CEP76: variants seen among roughly 807,000 people sequenced by gnomAD.
CEP76 encodes the protein centrosomal protein of 76 kDa.
A neutral mutation model predicts 83.3 loss-of-function variants in CEP76; 55 were observed. The ratio of observed to expected loss-of-function variants is 0.66; its 90% CI spans 0.53 to 0.83. The LOEUF (loss-of-function observed/expected upper bound fraction) is 0.83, where lower values mean the gene tolerates loss of function less well. Among genes scored for constraint, CEP76 ranks in the 40% least tolerant of loss-of-function variants. CEP76 has a pLI of 0.00. For missense variants in CEP76, 694 were observed against 799.5 expected (o/e 0.87, Z 1.59); for synonymous variants, 270 against 274.5 (o/e 0.98, Z 0.16).
intron 11 of CEP76, among the ~76,000 whole-genome samples, chr18:12,674,198 AG>A (rs1190978271): frequency 6.6e-6 from 1 of 152,046 alleles, no homozygotes; most frequent in Non-Finnish European, 1.5e-5. Context: ...GCAATTTGGG[AG>A]GCTGAGGTGG....
chr18:12,689,949 T>G (rs1315109089), intron 7 of CEP76, among the ~76,000 whole-genome samples: 1 of 152,132 alleles, frequency 6.6e-6, no homozygotes, highest in Non-Finnish European at 1.5e-5. Context: ...CCACCAAGCC[T>G]GGCTAATTTT....
At position 12,672,649 on chromosome 18, in the gene CEP76, AT is replaced by A; in HGVS notation, c.*715del. 2.0e-6 allele frequency: 2 copies of A among 982,760 alleles called. No homozygotes were observed. Among genetic ancestry groups the A allele is most frequent in the Non-Finnish European group, 2.4e-6 (2 of 827,438 alleles). The allele number at this position is 982,760 out of a possible 1,614,324, so 60.9% of individuals were successfully genotyped here. On this transcript the variant is annotated 3_prime_UTR_variant, in exon 12 of 12. Transcript: ENST00000262127. ...ATCAGTGATCGACTGCAAGATCACA[AT>A]TTATCAGTATCATAACAAAGAGGTA...
chr18:12,699,214 T>C lies in CEP76; in HGVS notation c.296-11A>G, dbSNP rs367969491. On this transcript the variant is annotated splice_polypyrimidine_tract_variant and intron_variant, in intron 3 of 11. Coordinates refer to ENST00000262127, the MANE Select transcript of CEP76 (RefSeq NM_024899.4). ...TTGGATCAATATTAGCTGTAAAGTG[T>C]AGCAATATATATGAGGAAACTGCCA... is the stretch of plus-strand genomic sequence containing the variant. 4.6e-4 allele frequency: 713 copies of C among 1,551,648 alleles called. 1 individual carries two copies. Among genetic ancestry groups the C allele is most frequent in the Non-Finnish European group, 5.8e-4 (655 of 1,127,940 alleles).
intron 7 of CEP76, among the ~76,000 whole-genome samples, chr18:12,688,973 G>A (rs556134141): frequency 6.6e-6 from 1 of 152,228 alleles, no homozygotes; most frequent in Middle Eastern, 3.4e-3. Flanking sequence ...AATTAGCCAG[G>A]CATGGTGGCA....
chr18:12,692,315 C>CAA (rs773752553), intron 6 of CEP76: 31 of 125,208 alleles, frequency 2.5e-4, no homozygotes, highest in East Asian at 4.5e-4. Flanking sequence ...GACTCTATCT[C>CAA]AAAAAAAAAA....
At chr18:12,669,914 T>C (rs1302042676), downstream of CEP76, among the ~76,000 whole-genome samples, 2 of 94,610 alleles carry the variant, frequency 2.1e-5, no homozygotes, top group Non-Finnish European at 4.5e-5. Flanking sequence ...GGAGAATCAC[T>C]TGAACCCAGG....
At chr18:12,702,370 C>G in intron 1 of CEP76, 116 bp downstream of exon 1, 1 of 781,966 alleles carries the variant, frequency 1.3e-6, no homozygotes, top group Non-Finnish European at 2.2e-6. Context: ...TTGCGCACCC[C>G]ACAATCCTCG....
chr18:12,682,539 A>G lies in CEP76; in HGVS notation c.1123-1711T>C, dbSNP rs571408437. 2.6e-5 allele frequency among the ~76,000 whole-genome samples: 4 copies of G among 152,176 alleles called. No individual in the cohort carries two copies. In the South Asian group the frequency reaches 8.3e-4, roughly 32 times the overall value. On this transcript the variant is annotated intron_variant, in intron 8 of 11. Coordinates refer to ENST00000262127, the MANE Select transcript of CEP76 (RefSeq NM_024899.4). Reference sequence around the variant, plus strand: ...GGATTTGGTGGTGCTAAAGTTTTTTAAAAAAAATTAACTGTAAGAAAACAA... The same window carrying G: ...GGATTTGGTGGTGCTAAAGTTTTTTGAAAAAAATTAACTGTAAGAAAACAA...
intron 12 of CEP76, among the ~76,000 whole-genome samples, chr18:12,664,852 C>T (rs750768198): frequency 6.1e-4 from 93 of 151,634 alleles, no homozygotes; most frequent in African/African-American, 1.2e-3. Flanking sequence ...GCGCCCGTCA[C>T]CATGCCCAGC....
At chr18:12,689,212 T>C (rs1425842532) in intron 7 of CEP76, among the ~76,000 whole-genome samples, 5 of 152,258 alleles carry the variant, frequency 3.3e-5, no homozygotes, top group Admixed American at 3.3e-4. Context: ...TTTATAACTA[T>C]TGTTTTTATA....
chr18:12,680,144 A>G (rs1336791019), intron 9 of CEP76, among the ~76,000 whole-genome samples: 2 of 152,122 alleles, frequency 1.3e-5, no homozygotes, highest in Non-Finnish European at 2.9e-5. Context: ...CATGTTGGTA[A>G]AGAATATTTG....
chr18:12,665,080 T>C (rs1405394781), intron 12 of CEP76: 1 of 152,130 alleles, frequency 6.6e-6, no homozygotes, highest in Non-Finnish European at 1.5e-5. Context: ...GGTCTAGAGC[T>C]GCTCTTGGCT....
rs758024041 is a variant in CEP76 at position 12,674,651 on chromosome 18, T to G, written c.1726A>C (p.Asn576His). 3 of 1,614,024 alleles carry G rather than the reference T, an allele frequency of 1.9e-6. No individual in the cohort carries two copies. ...FERTTSISAG[N>H]EEFQDAIRRA... ...CTTATGGCATCTTGAAATTCTTCAT[T>G]GCCTGCTGATATACTTGTTGTACGC... The change falls in exon 11 of 12, where the codon AAT (asparagine) becomes CAT (histidine). Residue 576 changes from asparagine to histidine, a missense_variant. Coordinates refer to ENST00000262127, the MANE Select transcript of CEP76 (RefSeq NM_024899.4).
intron 8 of CEP76, 74 bp downstream of exon 8, chr18:12,686,188 C>G: frequency 7.9e-7 from 1 of 1,260,838 alleles, no homozygotes; most frequent in Non-Finnish European, 1.1e-6. Context: ...CTAAGGCATT[C>G]TTTTACAAAT....
chr18:12,673,353 T>C lies in CEP76; in HGVS notation c.*12A>G. The C allele has an allele frequency of 6.3e-7, 1 of 1,596,340 alleles. No individual in the cohort carries two copies. The highest frequency in any genetic ancestry group is 8.5e-7 in the Non-Finnish European group (1 of 1,174,580). ...ATTAAACACAGGTATAAATCTTATA[T>C]AAATATTGGCCCTATAATACCGAGC... On this transcript the variant is annotated 3_prime_UTR_variant, in exon 12 of 12. Transcript: ENST00000262127.
chr18:12,697,204 G>A lies in CEP76; in HGVS notation c.706+19C>T. The A allele has an allele frequency of 6.5e-7, 1 of 1,527,084 alleles. No individual in the cohort carries two copies. The highest frequency in any genetic ancestry group is 8.9e-7 in the Non-Finnish European group (1 of 1,122,610). The allele number at this position is 1,527,084 out of a possible 1,614,324, so 94.6% of individuals were successfully genotyped here. On this transcript the variant is annotated intron_variant, in intron 5 of 11. Coordinates refer to ENST00000262127, the MANE Select transcript of CEP76 (RefSeq NM_024899.4). ...CTGTGGCTATAAAAAGGTTAACAAT[G>A]ATATATTAATCACCATACCTACACC...
intron 7 of CEP76, among the ~76,000 whole-genome samples, chr18:12,689,853 G>C (rs547896746): frequency 6.6e-6 from 1 of 152,290 alleles, no homozygotes; most frequent in Non-Finnish European, 1.5e-5. Context: ...GCAATGGCGT[G>C]ATCTTCGCTC....
rs1237479781 is a variant in CEP76, at chr18:12,686,327, C to G, written c.1057G>C (p.Val353Leu). Residue 353 changes from valine to leucine, a missense_variant, in exon 8 of 12, where the codon GTT becomes CTT. Physicochemically the swap from Val to Leu is conservative, Grantham distance 32. Transcript: ENST00000262127. ...VNVLGYERAPVIGGGGKQEQW... is the reference protein window; with the variant it reads ...VNVLGYERAPLIGGGGKQEQW... ...TCCTGTTTACCTCCTCCTCCAATAA[C>G]AGGGGCTCGTTCATAACCAAGGACA... 1 of 1,614,138 alleles carries G rather than the reference C, an allele frequency of 6.2e-7. No individual in the cohort carries two copies. The highest frequency in any genetic ancestry group is 8.5e-7 in the Non-Finnish European group (1 of 1,180,014).
chr18:12,674,645 C>A lies in CEP76; in HGVS notation c.1732G>T (p.Glu578Ter). 1 of 1,613,914 alleles carries A rather than the reference C, an allele frequency of 6.2e-7. No individual in the cohort carries two copies. Among genetic ancestry groups the A allele is most frequent in the Non-Finnish European group, 8.5e-7 (1 of 1,179,888 alleles). The change falls in exon 11 of 12, where the codon GAA becomes TAA. Residue 578 changes from glutamate (E) to a stop codon, truncating the protein, a stop_gained. Transcript: ENST00000262127. LOFTEE classifies it high-confidence loss of function. ...GCCCTTCTTATGGCATCTTGAAATTCTTCATTGCCTGCTGATATACTTGTT... is the reference window on the plus strand; with the variant it reads ...GCCCTTCTTATGGCATCTTGAAATTATTCATTGCCTGCTGATATACTTGTT... ...RTTSISAGNEEFQDAIRRAVP... is the reference protein window; with the variant it reads ...RTTSISAGNE
Sources: gnomAD v4.1 joint callset for allele counts (sites outside exome capture counted in the v4.1 genomes callset) on GRCh38, gnomAD v4.1.1 for gene constraint, MANE v1.5 for transcripts, NCBI Gene and HGNC (gene_info 2026-07-23, HGNC 2026-07-21) for gene names.